The following MALRD1 variants were observed in gnomAD, a reference collection of about 807,000 sequenced individuals.
MALRD1 encodes the protein MAM and LDL receptor class A domain containing 1.
MALRD1 carries 247 observed loss-of-function variants against 242.1 expected under a neutral mutation model. That is an observed-to-expected ratio of 1.02 (90% confidence interval 0.92 to 1.13). The LOEUF is 1.13. Ranked by LOEUF, MALRD1 falls within the 50% of genes most tolerant of loss-of-function variation. The probability of loss-of-function intolerance (pLI) is 0.00; values close to 1 mark genes in which losing one functional copy is unlikely to be tolerated. For synonymous variants in MALRD1, 995 were observed against 866.6 expected (o/e 1.15, Z -2.60); for missense variants, 2,989 against 2,533.1 (o/e 1.18, Z -3.86).
intron 26 of MALRD1, among the ~76,000 whole-genome samples, chr10:19,372,814 TTTAAA>T (rs1291132665): frequency 1.3e-5 from 2 of 152,108 alleles, no homozygotes; most frequent in African/African-American, 4.8e-5. Flanking sequence ...TTAATAAAAA[TTTAAA>T]TTAAAGGTAA....
intron 26 of MALRD1, among the ~76,000 whole-genome samples, chr10:19,376,542 C>CATTTTTTTTTTTTTTTT (rs1554842468): frequency 2.1e-5 from 2 of 94,992 alleles, no homozygotes; most frequent in Non-Finnish European, 2.1e-5. Context: ...TTGATACATT[C>CATTTTTTTTTTTTTTTT]TTTTTTTTTT....
chr10:19,578,683 T>G (rs1418430262), intron 33 of MALRD1, among the ~76,000 whole-genome samples: 1 of 151,076 alleles, frequency 6.6e-6, no homozygotes, highest in Non-Finnish European at 1.5e-5. Context: ...CAGAAAAGAG[T>G]TGACAAGCTC....
Position 19,671,519 on chromosome 10 carries a change from G to C in MALRD1, c.6138-20763G>C, listed in dbSNP as rs529561115. On this transcript the variant is annotated intron_variant, in intron 36 of 39. Transcript: ENST00000454679. ...TGTAGTCCCAGTAGCTCAGGAGGTT[G>C]AGGCAAGAGAACCACTTGAACCGAG... Among the ~76,000 whole-genome samples the C allele has an allele frequency of 1.9e-3, 293 of 152,028 alleles. 2 individuals are homozygous for C. Among genetic ancestry groups the C allele is most frequent in the African/African-American group, 5.7e-3 (237 of 41,462 alleles).
rs529530199 is a variant in MALRD1 at position 19,614,704 on chromosome 10, G to A, written c.6071-1153G>A. ...TATTTAGCTTCTTTTTAACCTATAAGTAAACCACCTTTGAAAATAAATGCT... is the reference window on the plus strand; with the variant it reads ...TATTTAGCTTCTTTTTAACCTATAAATAAACCACCTTTGAAAATAAATGCT... On this transcript the variant is annotated intron_variant, in intron 35 of 39. Coordinates refer to ENST00000454679, the MANE Select transcript of MALRD1 (RefSeq NM_001142308.3). Among the ~76,000 whole-genome samples the A allele has an allele frequency of 6.6e-5, 10 of 152,072 alleles. No homozygotes were observed. In the South Asian group the frequency reaches 2.1e-3, roughly 31 times the overall value.
At chr10:19,172,046 A>G (rs376216445) in intron 13 of MALRD1, among the ~76,000 whole-genome samples, 1 of 12,582 alleles carries the variant, frequency 7.9e-5, no homozygotes, top group Non-Finnish European at 1.3e-4. Context: ...TGTGATATAT[A>G]TCATATATCA....
chr10:19,071,314 T>C (rs993168569), intron 2 of MALRD1, among the ~76,000 whole-genome samples: 1 of 151,746 alleles, frequency 6.6e-6, no homozygotes, highest in Non-Finnish European at 1.5e-5. Context: ...TTTTTTTTTT[T>C]CTGGCTCTCT....
At chr10:19,054,653 G>T (rs116029775) in intron 1 of MALRD1, among the ~76,000 whole-genome samples, 1 of 152,056 alleles carries the variant, frequency 6.6e-6, no homozygotes, top group Non-Finnish European at 1.5e-5. Context: ...GAGATTGTGT[G>T]GTATTTGTCT....
rs550593832 is a variant in MALRD1, at chr10:19,566,263, C to G, written c.5479-1239C>G. ...TCTGCCTCAGCCTCCTGAGTAGTAG[C>G]TGGGACTACGGGCACCTGCCACCAT... On this transcript the variant is annotated intron_variant, in intron 32 of 39. Coordinates refer to ENST00000454679, the MANE Select transcript of MALRD1 (RefSeq NM_001142308.3). Among the ~76,000 whole-genome samples, 8 of 150,788 alleles carry G rather than the reference C, an allele frequency of 5.3e-5. No individual in the cohort carries two copies. The South Asian group carries it at 1.7e-3, about 32-fold the overall frequency.
At chr10:19,670,068 A>T (rs974539695) in intron 36 of MALRD1, among the ~76,000 whole-genome samples, 2 of 115,352 alleles carry the variant, frequency 1.7e-5, no homozygotes, top group Non-Finnish European at 3.2e-5. Context: ...TCGCACGTGC[A>T]CACACACACA....
Position 19,204,371 on chromosome 10 carries a change from C to T in MALRD1, c.2168C>T (p.Pro723Leu), listed in dbSNP as rs1386079318. 2 of 1,549,422 alleles carry T rather than the reference C, an allele frequency of 1.3e-6. No individual in the cohort carries two copies. Among genetic ancestry groups the T allele is most frequent in the Non-Finnish European group, 1.7e-6 (2 of 1,146,620 alleles). Residue 723 changes from proline (P) to leucine (L), a missense_variant, in exon 16 of 40, where the codon CCA becomes CTA. Coordinates refer to ENST00000454679, the MANE Select transcript of MALRD1 (RefSeq NM_001142308.3). The stretch of plus-strand genomic sequence containing the variant: ...TGGCAAGTTGCTAAGCTTCAGAGCC[C>T]AACTTTCAGCCAGACAGGACCTGGA... ...SLWQVAKLQS[P>L]TFSQTGPGCI...
rs138361914 is a variant in MALRD1 at position 19,313,324 on chromosome 10, A to G, written c.3420-10625A>G. Reference sequence around the variant, plus strand: ...TATTATTAATATTAAATGAATATTGAAAATATTAAGCAATTAACTTAAAAG... The same window carrying G: ...TATTATTAATATTAAATGAATATTGGAAATATTAAGCAATTAACTTAAAAG... On this transcript the variant is annotated intron_variant, in intron 21 of 39. Coordinates refer to ENST00000454679, the MANE Select transcript of MALRD1 (RefSeq NM_001142308.3). Among the ~76,000 whole-genome samples, 932 of 151,428 alleles carry G rather than the reference A, an allele frequency of 6.2e-3. 14 individuals carry two copies. The highest frequency in any genetic ancestry group is 0.021 in the African/African-American group (870 of 41,444).
intron 24 of MALRD1, among the ~76,000 whole-genome samples, chr10:19,343,465 A>T (rs976306667): frequency 1.2e-4 from 19 of 152,132 alleles, no homozygotes; most frequent in Non-Finnish European, 2.9e-5. Context: ...CTTTACAAAG[A>T]TCTTCCTTGA....
intron 36 of MALRD1, among the ~76,000 whole-genome samples, chr10:19,631,778 A>T (rs138183639): frequency 3.2e-3 from 483 of 152,242 alleles, no homozygotes; most frequent in African/African-American, 0.011. Flanking sequence ...TGTTGCCTGC[A>T]TGTATGTCTT....
At chr10:19,556,795 C>A (rs1329013213) in intron 32 of MALRD1, among the ~76,000 whole-genome samples, 2 of 152,112 alleles carry the variant, frequency 1.3e-5, no homozygotes, top group Non-Finnish European at 2.9e-5. Flanking sequence ...GTTGCTGGTT[C>A]ACATGGTAAG....
chr10:19,316,352 G>A (rs1842707202), intron 21 of MALRD1, among the ~76,000 whole-genome samples: 1 of 151,846 alleles, frequency 6.6e-6, no homozygotes, highest in African/African-American at 2.4e-5. Flanking sequence ...GACTTTCTTG[G>A]TTTCTTCTGG....
chr10:19,541,694 G>T (rs188499679), intron 32 of MALRD1, among the ~76,000 whole-genome samples: 1 of 152,144 alleles, frequency 6.6e-6, no homozygotes, highest in Non-Finnish European at 1.5e-5. Flanking sequence ...CTGCGACAAG[G>T]TACACTTAGG....
intron 36 of MALRD1, among the ~76,000 whole-genome samples, chr10:19,647,387 C>T (rs1840704181): frequency 6.6e-6 from 1 of 152,130 alleles, no homozygotes; most frequent in African/African-American, 2.4e-5. Flanking sequence ...AGGAGCTTAC[C>T]ACGCCCAGTC....
chr10:19,318,394 G>A (rs1211319349), intron 21 of MALRD1, among the ~76,000 whole-genome samples: 2 of 151,648 alleles, frequency 1.3e-5, no homozygotes, highest in Non-Finnish European at 2.9e-5. Flanking sequence ...CAGGTGAAAG[G>A]GGTATTTCAG....
chr10:19,346,842 G>A (rs546141678), intron 24 of MALRD1, among the ~76,000 whole-genome samples: 41 of 151,848 alleles, frequency 2.7e-4, no homozygotes, highest in Admixed American at 1.6e-3. Flanking sequence ...TAGAGATGGG[G>A]TTTTACCGTG....
Sources: gnomAD v4.1 joint callset for allele counts (sites outside exome capture counted in the v4.1 genomes callset) on GRCh38, gnomAD v4.1.1 for gene constraint, MANE v1.5 for transcripts, NCBI Gene and HGNC (gene_info 2026-07-23, HGNC 2026-07-21) for gene names.